Variants in PRKG1 observed in about 807,000 individuals in gnomAD.
PRKG1 encodes the protein protein kinase cGMP-dependent 1.
Under a neutral mutation model 88.1 loss-of-function variants are expected in PRKG1, and 35 were observed. That is an observed-to-expected ratio of 0.40 (90% CI 0.30 to 0.53). PRKG1 has a LOEUF of 0.53. Ranked by LOEUF, PRKG1 falls within the 20% of genes least tolerant of loss-of-function variation. The pLI is 0.59. For missense variants in PRKG1, 540 were observed against 839.8 expected (o/e 0.64, Z 4.41); for synonymous variants, 303 against 292.5 (o/e 1.04, Z -0.37).
Position 51,983,727 on chromosome 10 carries a change from C to A in PRKG1, c.763-70757C>A, listed in dbSNP as rs147618193. Among the ~76,000 whole-genome samples, 209 of 152,350 alleles carry A rather than the reference C, an allele frequency of 1.4e-3. 1 individual carries two copies. The highest frequency in any genetic ancestry group is 4.5e-3 in the African/African-American group (189 of 41,578). On this transcript the variant is annotated intron_variant, in intron 5 of 17. Transcript: ENST00000373980. Reference sequence around the variant, plus strand: ...CTGCACCTACCACTTCTCTAAGCAGCTCTCCCTGCCAGCTGAGTGTCTGTG... The same window carrying A: ...CTGCACCTACCACTTCTCTAAGCAGATCTCCCTGCCAGCTGAGTGTCTGTG...
At chr10:52,292,312 G>C (rs936142111) in intron 17 of PRKG1, among the ~76,000 whole-genome samples, 9 of 151,774 alleles carry the variant, frequency 5.9e-5, no homozygotes, top group African/African-American at 1.7e-4. Flanking sequence ...ATTGCTTTTG[G>C]TGTTTTAGAC....
At chr10:51,518,982 A>G (rs912422243) in intron 3 of PRKG1, among the ~76,000 whole-genome samples, 1 of 152,226 alleles carries the variant, frequency 6.6e-6, no homozygotes, top group Admixed American at 6.5e-5. Context: ...TAGAGCCTTT[A>G]TGTGAGTGAT....
chr10:51,424,185 A>G (rs1457707333), intron 2 of PRKG1, among the ~76,000 whole-genome samples: 1 of 152,140 alleles, frequency 6.6e-6, no homozygotes, highest in East Asian at 1.9e-4. Context: ...GCAAACTGTT[A>G]TCCAGGGGTC....
At chr10:51,689,993 T>G (rs1841095194) in intron 3 of PRKG1, among the ~76,000 whole-genome samples, 1 of 152,174 alleles carries the variant, frequency 6.6e-6, no homozygotes, top group Non-Finnish European at 1.5e-5. Flanking sequence ...GAAAAGAGGT[T>G]TAATTGGCTC....
intron 8 of PRKG1, among the ~76,000 whole-genome samples, chr10:52,137,220 T>G (rs1197195145): frequency 1.3e-5 from 2 of 152,068 alleles, no homozygotes; most frequent in African/African-American, 4.8e-5. Flanking sequence ...TTATTGTAAC[T>G]AATCATGCAT....
At chr10:52,277,039 T>G (rs1308325292) in intron 12 of PRKG1, among the ~76,000 whole-genome samples, 1 of 152,172 alleles carries the variant, frequency 6.6e-6, no homozygotes, top group African/African-American at 2.4e-5. Flanking sequence ...GTTGAAGGAA[T>G]GGAAACTAGA....
rs1264930577 is a variant in PRKG1, at chr10:51,503,308, ATAAAT to A, written c.592+35477_592+35481del. On this transcript the variant is annotated intron_variant, in intron 3 of 17. Coordinates refer to ENST00000373980, the MANE Select transcript of PRKG1 (RefSeq NM_006258.4). ...AAGAAGATGAAGGAAACATTTTCTT[ATAAAT>A]TAAAGACAAAATACCTCCCCTGTAG... is the stretch of plus-strand genomic sequence containing the variant. 3.9e-5 allele frequency among the ~76,000 whole-genome samples: 6 copies of A among 152,100 alleles called. No homozygotes were observed. In the South Asian group the frequency reaches 1.2e-3, roughly 31 times the overall value.
intron 3 of PRKG1, among the ~76,000 whole-genome samples, chr10:51,592,521 G>A (rs1018673635): frequency 8.5e-5 from 13 of 152,102 alleles, no homozygotes; most frequent in African/African-American, 2.9e-4. Context: ...TTGATGAGAG[G>A]CCCATCTCCT....
intron 3 of PRKG1, among the ~76,000 whole-genome samples, chr10:51,795,691 G>A (rs1838991993): frequency 6.6e-6 from 1 of 152,018 alleles, no homozygotes; most frequent in Admixed American, 6.6e-5. Context: ...CAGTAAAGTG[G>A]GGGTAGAATA....
intron 3 of PRKG1, among the ~76,000 whole-genome samples, chr10:51,526,693 T>C (rs1269384675): frequency 6.6e-6 from 1 of 152,204 alleles, no homozygotes; most frequent in African/African-American, 2.4e-5. Context: ...ACACCCTCTG[T>C]AAAAACACCA....
chr10:51,476,876 A>T (rs1360883477), intron 3 of PRKG1, among the ~76,000 whole-genome samples: 2 of 152,038 alleles, frequency 1.3e-5, no homozygotes, highest in Non-Finnish European at 2.9e-5. Flanking sequence ...GTACCTAAGT[A>T]ATGATAATTC....
intron 10 of PRKG1, among the ~76,000 whole-genome samples, chr10:52,254,055 T>C (rs550110738): frequency 6.6e-6 from 1 of 152,066 alleles, no homozygotes; most frequent in Non-Finnish European, 1.5e-5. Context: ...TTTTGGGGTA[T>C]TAAAATATTA....
At chr10:52,206,552 T>C (rs1302983527) in intron 9 of PRKG1, among the ~76,000 whole-genome samples, 1 of 152,200 alleles carries the variant, frequency 6.6e-6, no homozygotes, top group Admixed American at 6.5e-5. Context: ...TGTTCCTTAA[T>C]CTTTGAAGTT....
chr10:51,690,254 T>C lies in PRKG1; in HGVS notation c.593-114331T>C, dbSNP rs927325207. ...ATTCATGAGAAATCCACCCTCATGA[T>C]CCAATCACCTCCCACAAGGCCCCTC... On this transcript the variant is annotated intron_variant, in intron 3 of 17. Transcript: ENST00000373980. Among the ~76,000 whole-genome samples the C allele has an allele frequency of 2.6e-5, 4 of 152,126 alleles. No individual in the cohort carries two copies. In the South Asian group the frequency reaches 8.3e-4, roughly 31 times the overall value.
At chr10:52,010,023 C>G (rs1844841193) in intron 5 of PRKG1, among the ~76,000 whole-genome samples, 1 of 152,044 alleles carries the variant, frequency 6.6e-6, no homozygotes, top group Admixed American at 6.6e-5. Flanking sequence ...AAAATCAACT[C>G]AAGATTGATT....
chr10:51,968,798 G>T (rs1181903045), intron 5 of PRKG1, among the ~76,000 whole-genome samples: 2 of 139,762 alleles, frequency 1.4e-5, no homozygotes, highest in Non-Finnish European at 3.0e-5. Context: ...ACTCCAGCCT[G>T]AGCGACAGAG....
chr10:51,375,125 G>A (rs1273726526), intron 2 of PRKG1, among the ~76,000 whole-genome samples: 1 of 152,186 alleles, frequency 6.6e-6, no homozygotes, highest in Non-Finnish European at 1.5e-5. Flanking sequence ...TTGGAAGAGA[G>A]GGAATTAAAT....
intron 2 of PRKG1, among the ~76,000 whole-genome samples, chr10:51,462,397 T>C (rs528731526): frequency 3.2e-4 from 49 of 152,178 alleles, no homozygotes; most frequent in Non-Finnish European, 6.2e-4. Context: ...GAAAAACTCA[T>C]AAGGATAAAC....
At chr10:52,203,078 G>A (rs2132781174) in intron 9 of PRKG1, among the ~76,000 whole-genome samples, 1 of 152,116 alleles carries the variant, frequency 6.6e-6, no homozygotes, top group South Asian at 2.1e-4. Flanking sequence ...CTTTGCTCTT[G>A]TTTATCTAGT....
Sources: gnomAD v4.1 joint callset for allele counts (sites outside exome capture counted in the v4.1 genomes callset) on GRCh38, gnomAD v4.1.1 for gene constraint, MANE v1.5 for transcripts, NCBI Gene and HGNC (gene_info 2026-07-23, HGNC 2026-07-21) for gene names.